The following ASCC2 variants were observed in gnomAD, a reference collection of about 807,000 sequenced individuals.
The protein encoded by ASCC2 is activating signal cointegrator 1 complex subunit 2.
ASCC2 carries 42 observed loss-of-function variants against 93.5 expected under a neutral mutation model. The observed-to-expected ratio is 0.45, with a 90% CI of 0.35 to 0.58. ASCC2 has a LOEUF of 0.58. ASCC2 is among the 20% of genes least tolerant of loss of function. The probability of loss-of-function intolerance (pLI) is 0.00; values close to 1 mark genes in which losing one functional copy is unlikely to be tolerated. For missense variants in ASCC2, 859 were observed against 977.6 expected, an observed-to-expected ratio of 0.88 and a Z score of 1.62; for synonymous variants, 364 against 384.2, an observed-to-expected ratio of 0.95 and a Z score of 0.62.
chr22:29,805,575 T>TA (rs1384884589), intron 12 of ASCC2, among the ~76,000 whole-genome samples: 1 of 152,100 alleles, frequency 6.6e-6, no homozygotes, highest in African/African-American at 2.4e-5. Flanking sequence ...CCAAACTTCT[T>TA]AGTGATGGTC....
intron 14 of ASCC2, 129 bp downstream of exon 14, chr22:29,801,865 T>G: frequency 1.2e-6 from 1 of 807,556 alleles, no homozygotes; most frequent in Non-Finnish European, 1.9e-6. Flanking sequence ...AAAGAGGGCT[T>G]TAGTTTAAAT....
intron 2 of ASCC2, among the ~76,000 whole-genome samples, chr22:29,830,829 C>G (rs975376895): frequency 6.6e-6 from 1 of 152,196 alleles, no homozygotes; most frequent in Non-Finnish European, 1.5e-5. Flanking sequence ...GCCTCCTGTG[C>G]GCCTGGCACT....
At chr22:29,790,895 G>A (rs1233837175) in intron 18 of ASCC2, among the ~76,000 whole-genome samples, 1 of 152,174 alleles carries the variant, frequency 6.6e-6, no homozygotes, top group Admixed American at 6.5e-5. Context: ...GCAGGGCCCT[G>A]AAGACTGCGG....
chr22:29,822,578 T>C, intron 4 of ASCC2, 114 bp from the exon 5 acceptor site: 7 of 1,280,412 alleles, frequency 5.5e-6, no homozygotes, highest in Non-Finnish European at 7.6e-6. Context: ...TGGTTAATGA[T>C]GCCTTATGCA....
intron 4 of ASCC2, among the ~76,000 whole-genome samples, chr22:29,823,135 T>G (rs371053305): frequency 4.6e-4 from 70 of 152,088 alleles, no homozygotes; most frequent in African/African-American, 1.6e-3. Context: ...GCCTCCCAGG[T>G]TCAAGCAATT....
chr22:29,837,267 GAAAAAAAA>G (rs34319037), intron 1 of ASCC2, among the ~76,000 whole-genome samples: 1 of 143,914 alleles, frequency 6.9e-6, no homozygotes, highest in East Asian at 2.0e-4. Context: ...CGTCTCTACC[GAAAAAAAA>G]AAAAAAAATT....
chr22:29,825,274 A>T lies in ASCC2; in HGVS notation c.241-17T>A, dbSNP rs376012681. On this transcript the variant is annotated splice_polypyrimidine_tract_variant and intron_variant, in intron 3 of 19. Transcript: ENST00000307790. The surrounding 1 kb of genome is among the most constrained non-coding windows in gnomAD (Gnocchi z 4.9). ...AAAGATCACCTAAACCAGGAGACAG[A>T]GGAGAGCGAGGATTTATCCCTTAGG... 25 of 1,508,276 alleles carry T rather than the reference A, an allele frequency of 1.7e-5. No homozygotes were observed. The African/African-American group carries it at 2.9e-4, about 18-fold the overall frequency. The allele number at this position is 1,508,276 out of a possible 1,614,324, so 93.4% of individuals were successfully genotyped here.
intron 19 of ASCC2, 102 bp downstream of exon 19, chr22:29,790,367 G>A (rs2068849510): frequency 7.0e-6 from 8 of 1,141,672 alleles, no homozygotes; most frequent in Admixed American, 4.0e-5. Context: ...CTAAATACAC[G>A]TGGAGCACTT....
At chr22:29,795,049 T>A (rs1018788150) in intron 15 of ASCC2, among the ~76,000 whole-genome samples, 1 of 151,916 alleles carries the variant, frequency 6.6e-6, no homozygotes, top group Non-Finnish European at 1.5e-5. Flanking sequence ...CTCAGGCTCC[T>A]GAGTAGCTGG....
intron 19 of ASCC2, among the ~76,000 whole-genome samples, chr22:29,789,745 A>G (rs1470825138): frequency 6.6e-6 from 1 of 152,186 alleles, no homozygotes; most frequent in African/African-American, 2.4e-5. Context: ...TTCAGAATGA[A>G]ATCCAAATGC....
At chr22:29,802,810 G>A (rs144241330) in intron 13 of ASCC2, among the ~76,000 whole-genome samples, 618 of 152,002 alleles carry the variant, frequency 4.1e-3, no homozygotes, top group Non-Finnish European at 7.4e-3. Context: ...GGTGGCATGC[G>A]CCTGTGGTCC....
At chr22:29,797,074 C>A (rs2058530981) in intron 15 of ASCC2, among the ~76,000 whole-genome samples, 1 of 152,306 alleles carries the variant, frequency 6.6e-6, no homozygotes, top group Admixed American at 6.5e-5. Context: ...GGAGATGCAA[C>A]CTTGGCCCCA....
intron 5 of ASCC2, among the ~76,000 whole-genome samples, chr22:29,819,192 C>A (rs1242223238): frequency 6.6e-6 from 1 of 152,112 alleles, no homozygotes; most frequent in Non-Finnish European, 1.5e-5. Flanking sequence ...CAGAGTTTCG[C>A]TCTTGTTGCC....
At chr22:29,804,427 C>T (rs2059441296) in intron 13 of ASCC2, among the ~76,000 whole-genome samples, 1 of 152,224 alleles carries the variant, frequency 6.6e-6, no homozygotes, top group Non-Finnish European at 1.5e-5. Context: ...AAGCAACTTG[C>T]TCTCTCCTCA....
At chr22:29,817,770 T>C (rs574327249) in intron 5 of ASCC2, among the ~76,000 whole-genome samples, 17 of 152,322 alleles carry the variant, frequency 1.1e-4, no homozygotes, top group South Asian at 6.2e-4. Flanking sequence ...CTGATTCTAA[T>C]GACAGTGACG....
At chr22:29,810,305 C>G (rs773684919) in intron 8 of ASCC2, 4 of 152,218 alleles carry the variant, frequency 2.6e-5, no homozygotes, top group Non-Finnish European at 4.4e-5. Context: ...TATAATTCTT[C>G]CCCCAAACAT....
intron 13 of ASCC2, among the ~76,000 whole-genome samples, chr22:29,803,062 C>T (rs1030867249): frequency 6.6e-6 from 1 of 152,034 alleles, no homozygotes; most frequent in African/African-American, 2.4e-5. Context: ...GCCTGACCAA[C>T]ATGGTGAAAC....
intron 5 of ASCC2, among the ~76,000 whole-genome samples, chr22:29,820,562 T>C (rs2061426890): frequency 6.6e-6 from 1 of 152,154 alleles, no homozygotes; most frequent in African/African-American, 2.4e-5. Context: ...TGTAGAAATC[T>C]GGTAACTGCT....
intron 7 of ASCC2, among the ~76,000 whole-genome samples, 183 bp from the exon 8 acceptor site, chr22:29,813,725 G>A (rs2060531539): frequency 6.6e-6 from 1 of 152,168 alleles, no homozygotes; most frequent in South Asian, 2.1e-4. Flanking sequence ...CGATCTGGGT[G>A]AGTCACCTAA....
Sources: allele counts gnomAD v4.1 joint callset (sites outside exome capture counted in the v4.1 genomes callset), GRCh38; gene constraint gnomAD v4.1.1; non-coding constraint Gnocchi (gnomAD v3.1); transcripts MANE v1.5; gene names NCBI Gene and HGNC (gene_info 2026-07-23, HGNC 2026-07-21).